The following PTAFR variants were observed in gnomAD, a reference collection of about 807,000 sequenced individuals.
PTAFR encodes the protein platelet-activating factor receptor.
Under a neutral mutation model 14.7 loss-of-function variants are expected in PTAFR, and 8 were observed. The ratio of observed to expected loss-of-function variants is 0.54; its 90% CI spans 0.32 to 0.98. The LOEUF (loss-of-function observed/expected upper bound fraction) is 0.98. PTAFR is among the 50% of genes least tolerant of loss of function. PTAFR has a pLI of 0.04. For synonymous variants in PTAFR, 156 were observed against 176.5 expected, an observed-to-expected ratio of 0.88 and a Z score of 0.92; for missense variants, 337 against 451.2, an observed-to-expected ratio of 0.75 and a Z score of 2.29.
chr1:28,167,325 G>A (rs577131738), intron 1 of PTAFR, among the ~76,000 whole-genome samples: 1 of 152,204 alleles, frequency 6.6e-6, no homozygotes, highest in East Asian at 1.9e-4. Context: ...CTCCAAAGAC[G>A]ATATACCAAT....
At chr1:28,180,984 T>A (rs1646557848), upstream of PTAFR, among the ~76,000 whole-genome samples, 1 of 152,270 alleles carries the variant, frequency 6.6e-6, no homozygotes, top group Non-Finnish European at 1.5e-5. Context: ...TTATTTATTT[T>A]TTTGAGATGG....
At chr1:28,173,848 CACAA>C (rs1029896709) in intron 1 of PTAFR, among the ~76,000 whole-genome samples, 1 of 152,066 alleles carries the variant, frequency 6.6e-6, no homozygotes, top group African/African-American at 2.4e-5. Context: ...CACACAAACA[CACAA>C]ACAAATACAC....
intron 1 of PTAFR, among the ~76,000 whole-genome samples, chr1:28,185,285 A>G (rs1646597154): frequency 6.6e-6 from 1 of 152,232 alleles, no homozygotes. Context: ...GAATGACATT[A>G]GAGAGAGGAA....
At chr1:28,167,950 CTTTTTTTTTT>C (rs33965504) in intron 1 of PTAFR, among the ~76,000 whole-genome samples, 1 of 38,188 alleles carries the variant, frequency 2.6e-5, no homozygotes, top group Non-Finnish European at 4.3e-5. Context: ...AAAACCAGAT[CTTTTTTTTTT>C]TTTTTTTTTT....
chr1:28,193,223 AG>A (rs1035678043), intron 1 of PTAFR, among the ~76,000 whole-genome samples: 3 of 151,520 alleles, frequency 2.0e-5, no homozygotes, highest in Non-Finnish European at 4.4e-5. Context: ...CTTGCGGAGT[AG>A]GTTTGTTTGC....
chr1:28,167,438 T>C (rs527274544), intron 1 of PTAFR, among the ~76,000 whole-genome samples: 50 of 152,180 alleles, frequency 3.3e-4, no homozygotes, highest in African/African-American at 1.1e-3. Flanking sequence ...GAATGGCCAC[T>C]ATCAGTAAAA....
At chr1:28,184,093 T>TG (rs1557698479) in intron 1 of PTAFR, among the ~76,000 whole-genome samples, 5 of 131,108 alleles carry the variant, frequency 3.8e-5, no homozygotes, top group Non-Finnish European at 8.0e-5. Context: ...TTTTTTTTTT[T>TG]TTTTTTTTTT....
chr1:28,178,126 A>G (rs1481327627), upstream of PTAFR, among the ~76,000 whole-genome samples: 2 of 152,198 alleles, frequency 1.3e-5, no homozygotes, highest in South Asian at 2.1e-4. Context: ...CAAGGCAGGT[A>G]TAAGGAGAGT....
intron 1 of PTAFR, among the ~76,000 whole-genome samples, chr1:28,164,661 G>A (rs1019004452): frequency 6.6e-6 from 1 of 152,192 alleles, no homozygotes; most frequent in African/African-American, 2.4e-5. Flanking sequence ...GTCACACAGC[G>A]GGGAAGTGGC....
chr1:28,168,125 ATTTT>A (rs139930851), intron 1 of PTAFR, among the ~76,000 whole-genome samples: 39 of 126,526 alleles, frequency 3.1e-4, no homozygotes, highest in South Asian at 7.4e-4. Context: ...CACCCGGCTA[ATTTT>A]TTTTTTTTTT....
chr1:28,151,143 G>A, intron 1 of PTAFR, 84 bp from the exon 2 acceptor site: 1 of 763,748 alleles, frequency 1.3e-6, no homozygotes, highest in South Asian at 2.0e-5. Flanking sequence ...TCCTTGCCAT[G>A]GTTAGAATGA....
intron 1 of PTAFR, among the ~76,000 whole-genome samples, chr1:28,185,121 C>T (rs1055925637): frequency 6.6e-5 from 10 of 152,210 alleles, no homozygotes; most frequent in African/African-American, 2.4e-4. Context: ...CTCCACAGCA[C>T]ATATCACATC....
At chr1:28,170,818 G>T (rs1263707623) in intron 1 of PTAFR, among the ~76,000 whole-genome samples, 3 of 151,598 alleles carry the variant, frequency 2.0e-5, no homozygotes, top group Admixed American at 1.3e-4. Context: ...GGCTAACACG[G>T]TAAAACCCTG....
chr1:28,186,889 C>T (rs1646611573), intron 1 of PTAFR, among the ~76,000 whole-genome samples: 1 of 152,194 alleles, frequency 6.6e-6, no homozygotes, highest in Admixed American at 6.5e-5. Flanking sequence ...CGTGCCATTG[C>T]ACTCCAGCCT....
upstream of PTAFR, among the ~76,000 whole-genome samples, chr1:28,179,098 C>T (rs1249938108): frequency 6.6e-6 from 1 of 152,218 alleles, no homozygotes; most frequent in Non-Finnish European, 1.5e-5. Flanking sequence ...AGGACATGGT[C>T]TGTACATGAA....
chr1:28,151,675 A>G (rs975697227), intron 1 of PTAFR, among the ~76,000 whole-genome samples: 2 of 152,064 alleles, frequency 1.3e-5, no homozygotes, highest in African/African-American at 4.8e-5. Flanking sequence ...AAAAAAAAAA[A>G]TAATAATTCT....
At chr1:28,157,625 T>A (rs1309591855) in intron 1 of PTAFR, among the ~76,000 whole-genome samples, 2 of 150,978 alleles carry the variant, frequency 1.3e-5, no homozygotes, top group Non-Finnish European at 2.9e-5. Context: ...TTTGCATTAA[T>A]TTTGATTTTT....
At chr1:28,165,468 A>G (rs1378272366) in intron 1 of PTAFR, among the ~76,000 whole-genome samples, 5 of 151,186 alleles carry the variant, frequency 3.3e-5, no homozygotes, top group Non-Finnish European at 7.4e-5. Flanking sequence ...GAGGCAAAAG[A>G]CTTGTACATT....
rs139526662 is a variant in PTAFR at position 28,176,642 on chromosome 1, G to C, written c.-89C>G. ...TGCAGTGACCGTGTGTCTCTGTCTG[G>C]GTCCTGGCCCCAGCCTCAGCCTCTA... On this transcript the variant is annotated 5_prime_UTR_variant, in exon 1 of 2. Transcript: ENST00000373857. The C allele has an allele frequency of 6.6e-6, 1 of 152,560 alleles. No homozygotes were observed. Among genetic ancestry groups the C allele is most frequent in the African/African-American group, 2.4e-5 (1 of 41,364 alleles). 9.5% of individuals were successfully genotyped at this position (152,560 alleles called of 1,614,324 possible). A position where few individuals can be genotyped will look rare whatever the true frequency, so the allele number is the denominator to read the frequency against.
Sources: allele counts gnomAD v4.1 joint callset (sites outside exome capture counted in the v4.1 genomes callset), GRCh38; gene constraint gnomAD v4.1.1; transcripts MANE v1.5; gene names NCBI Gene and HGNC (gene_info 2026-07-23, HGNC 2026-07-21).